Variants in EPDR1 observed in about 807,000 individuals in gnomAD.
EPDR1 encodes the protein mammalian ependymin-related protein 1.
In EPDR1, 27 loss-of-function variants were observed where a neutral mutation model predicts 23.7. The ratio of observed to expected loss-of-function variants is 1.14; its 90% CI spans 0.84 to 1.57. The LOEUF is 1.57. EPDR1 is among the 40% of genes most tolerant of loss of function. The pLI is 0.00. For synonymous variants in EPDR1, 137 were observed against 118.2 expected, an observed-to-expected ratio of 1.16 and a Z score of -1.03; for missense variants, 349 against 290.4, an observed-to-expected ratio of 1.20 and a Z score of -1.47.
chr7:37,944,357 C>A (rs574799258), intron 1 of EPDR1, among the ~76,000 whole-genome samples: 1 of 152,256 alleles, frequency 6.6e-6, no homozygotes, highest in African/African-American at 2.4e-5. Context: ...TGACACAGGT[C>A]GAGATGAAAG....
At chr7:37,949,660 G>T (rs940750358) in intron 2 of EPDR1, among the ~76,000 whole-genome samples, 2 of 152,054 alleles carry the variant, frequency 1.3e-5, no homozygotes, top group African/African-American at 4.8e-5. Flanking sequence ...ACAGATATTT[G>T]TACACCCATG....
At chr7:37,933,049 T>C (rs1382991350) in intron 1 of EPDR1, among the ~76,000 whole-genome samples, 3 of 152,262 alleles carry the variant, frequency 2.0e-5, no homozygotes, top group African/African-American at 7.2e-5. Context: ...CCTTTTGTTA[T>C]ATGTGATTGG....
chr7:37,922,668 G>C lies in EPDR1; in HGVS notation c.269+1460G>C, dbSNP rs547756192. On this transcript the variant is annotated intron_variant, in intron 1 of 2. Coordinates refer to ENST00000199448, the MANE Select transcript of EPDR1 (RefSeq NM_017549.5). ...CACAGCTAATGCTTGAGGAAGCTAGGGGGGGGTTCTGACGCCTATGGTATA... is the reference window on the plus strand; with the variant it reads ...CACAGCTAATGCTTGAGGAAGCTAGCGGGGGGTTCTGACGCCTATGGTATA... Among the ~76,000 whole-genome samples, 10 of 151,724 alleles carry C rather than the reference G, an allele frequency of 6.6e-5. No homozygotes were observed. In the South Asian group the frequency reaches 1.9e-3, roughly 29 times the overall value.
intron 1 of EPDR1, among the ~76,000 whole-genome samples, chr7:37,944,978 G>A (rs560825847): frequency 6.6e-6 from 1 of 152,344 alleles, no homozygotes; most frequent in South Asian, 2.1e-4. Context: ...TAGCACTGGG[G>A]AAAGCACAAG....
chr7:37,943,458 T>C (rs1016516354), intron 1 of EPDR1, among the ~76,000 whole-genome samples: 3 of 152,236 alleles, frequency 2.0e-5, no homozygotes, highest in Non-Finnish European at 2.9e-5. Context: ...GGCCCTGTAT[T>C]CTATTTGTGA....
intron 1 of EPDR1, among the ~76,000 whole-genome samples, chr7:37,925,091 A>T (rs191010547): frequency 2.0e-5 from 3 of 152,298 alleles, no homozygotes; most frequent in Admixed American, 2.0e-4. Flanking sequence ...AAATATTAGT[A>T]ATTGATACCA....
intron 1 of EPDR1, among the ~76,000 whole-genome samples, chr7:37,940,942 C>T (rs1786159709): frequency 6.6e-6 from 1 of 151,892 alleles, no homozygotes; most frequent in Non-Finnish European, 1.5e-5. Context: ...TAGAGAAATG[C>T]CTGATTTCAG....
At chr7:37,921,417 G>A in intron 1 of EPDR1, 1 of 1,393,704 alleles carries the variant, frequency 7.2e-7, no homozygotes. Flanking sequence ...GCCTGCTGGC[G>A]GGGGACTCAG....
intron 1 of EPDR1, among the ~76,000 whole-genome samples, chr7:37,948,005 T>TG (rs1333191270): frequency 2.6e-5 from 4 of 152,246 alleles, no homozygotes; most frequent in African/African-American, 9.6e-5. Flanking sequence ...GTATGTGGGC[T>TG]GCGCCCGTGC....
intron 1 of EPDR1, among the ~76,000 whole-genome samples, chr7:37,943,683 G>C (rs1345755642): frequency 1.3e-5 from 2 of 152,230 alleles, no homozygotes; most frequent in East Asian, 3.9e-4. Context: ...CTCAATATCA[G>C]ATGATGTCTA....
At chr7:37,949,576 G>A (rs2722276) in intron 2 of EPDR1, among the ~76,000 whole-genome samples, 63,154 of 151,962 alleles carry the variant, frequency 0.42, 14,961 homozygotes, top group Non-Finnish European at 0.52. Flanking sequence ...TTAAAGATAA[G>A]ACTGCCATAT....
chr7:37,944,425 C>T (rs1055302478), intron 1 of EPDR1, among the ~76,000 whole-genome samples: 2 of 152,132 alleles, frequency 1.3e-5, no homozygotes, highest in Non-Finnish European at 2.9e-5. Flanking sequence ...AAATATGAGG[C>T]TAGAATGACA....
In EPDR1 at chr7:37,951,607, C is replaced by G. The variant is rs940071524; in HGVS notation, c.*1211C>G. 2 of 152,242 alleles carry G rather than the reference C, an allele frequency of 1.3e-5. No homozygotes were observed. Among genetic ancestry groups the G allele is most frequent in the Non-Finnish European group, 2.9e-5 (2 of 68,064 alleles). The allele number at this position is 152,242 out of a possible 1,614,324, so 9.4% of individuals were successfully genotyped here. On this transcript the variant is annotated 3_prime_UTR_variant, in exon 3 of 3. Transcript: ENST00000199448. ...TTCGTAGAGTGAAGAATGCCAGCCT[C>G]TCTTGTCCCTGGTTTCCTTATGTGT...
chr7:37,929,618 C>A (rs1477535104), intron 1 of EPDR1, among the ~76,000 whole-genome samples: 1 of 152,014 alleles, frequency 6.6e-6, no homozygotes, highest in African/African-American at 2.4e-5. Flanking sequence ...ATTTCTTAGA[C>A]AATAAAATGA....
In EPDR1 at chr7:37,950,423, C is replaced by G; in HGVS notation, c.*27C>G. Reference sequence around the variant, plus strand: ...CCTGTGCATAGGGAAGCGGCAGCATCGGATGTCAGCCCCCTGCGGCCCCAG... The same window carrying G: ...CCTGTGCATAGGGAAGCGGCAGCATGGGATGTCAGCCCCCTGCGGCCCCAG... On this transcript the variant is annotated 3_prime_UTR_variant, in exon 3 of 3. Transcript: ENST00000199448. The G allele has an allele frequency of 1.3e-6, 2 of 1,578,082 alleles. No individual in the cohort carries two copies.
At chr7:37,949,996 A>G (rs1786364665) in intron 2 of EPDR1, among the ~76,000 whole-genome samples, 1 of 152,212 alleles carries the variant, frequency 6.6e-6, no homozygotes, top group Admixed American at 6.5e-5. Context: ...TAATGGAGAC[A>G]GAGTTTCAGT....
chr7:37,944,180 C>A (rs139776496), intron 1 of EPDR1, among the ~76,000 whole-genome samples: 361 of 152,336 alleles, frequency 2.4e-3, no homozygotes, highest in Non-Finnish European at 4.0e-3. Flanking sequence ...AAAAAAAGAG[C>A]CCAGGAAATG....
rs576959671 is a variant in EPDR1 at position 37,933,446 on chromosome 7, G to A, written c.269+12238G>A. 9.2e-5 allele frequency among the ~76,000 whole-genome samples: 14 copies of A among 152,306 alleles called. 1 individual carries two copies. The highest frequency in any genetic ancestry group is 3.1e-4 in the African/African-American group (13 of 41,564). On this transcript the variant is annotated intron_variant, in intron 1 of 2. Transcript: ENST00000199448. ...ACATGGTGTTTAAGAGTTAGAATGA[G>A]TCTGGTTGATCCCGTACTTAACTAC...
chr7:37,937,984 A>ATTTTTTT (rs1347900474), intron 1 of EPDR1, among the ~76,000 whole-genome samples: 4 of 62,240 alleles, frequency 6.4e-5, no homozygotes, highest in African/African-American at 1.8e-4. Flanking sequence ...GTGCCCTTTA[A>ATTTTTTT]ATTTTTTTTT....
Sources: gnomAD v4.1 joint callset for allele counts (sites outside exome capture counted in the v4.1 genomes callset) on GRCh38, gnomAD v4.1.1 for gene constraint, MANE v1.5 for transcripts, NCBI Gene and HGNC (gene_info 2026-07-23, HGNC 2026-07-21) for gene names.